ARHGAP30: variants seen among roughly 807,000 people sequenced by gnomAD.
The protein encoded by ARHGAP30 is Rho GTPase activating protein 30.
ARHGAP30 carries 23 observed loss-of-function variants against 72.0 expected under a neutral mutation model. The observed-to-expected ratio is 0.32, with a 90% CI of 0.23 to 0.45. ARHGAP30 has a LOEUF of 0.45. Ranked by LOEUF, ARHGAP30 falls within the 20% of genes least tolerant of loss-of-function variation. ARHGAP30 has a pLI of 1.00. For missense variants in ARHGAP30, 1,319 were observed against 1,383.4 expected (o/e 0.95, Z 0.74); for synonymous variants, 576 against 528.2 (o/e 1.09, Z -1.24).
chr1:161,060,358 G>A (rs1652226989), intron 1 of ARHGAP30: 2 of 304,816 alleles, frequency 6.6e-6, no homozygotes, highest in Admixed American at 7.5e-5. Context: ...CACTTTGGGA[G>A]GCTGAGGTGG....
chr1:161,056,636 G>T, intron 2 of ARHGAP30, 104 bp from the exon 3 acceptor site: 1 of 1,299,922 alleles, frequency 7.7e-7, no homozygotes, highest in South Asian at 1.5e-5. Context: ...GTCAACATGT[G>T]TTGGACTTGG....
chr1:161,068,727 T>C (rs1652941434), intron 1 of ARHGAP30, among the ~76,000 whole-genome samples: 1 of 152,128 alleles, frequency 6.6e-6, no homozygotes, highest in Admixed American at 6.5e-5. Flanking sequence ...GTTGTGAACC[T>C]GATATTGTCC....
At chr1:161,054,586 G>T (rs771812150) in intron 4 of ARHGAP30, 37 bp downstream of exon 4, 2 of 1,609,592 alleles carry the variant, frequency 1.2e-6, no homozygotes, top group South Asian at 2.2e-5. Context: ...TGAATGAGTT[G>T]TCTCAGGTTG....
intron 1 of ARHGAP30, among the ~76,000 whole-genome samples, chr1:161,063,166 G>T (rs925223877): frequency 1.3e-5 from 2 of 152,126 alleles, no homozygotes; most frequent in Admixed American, 6.5e-5. Context: ...AGTTTATTTT[G>T]TATTGATACC....
Position 161,053,389 on chromosome 1 carries a change from T to C in ARHGAP30, c.537-4A>G, listed in dbSNP as rs1161432661. ...TGAGGCCTCTATGTCCTTAGACCTG[T>C]GGAGATGTGGAATTATTCTCCCCCT... On this transcript the variant is annotated splice_polypyrimidine_tract_variant and splice_region_variant and intron_variant, in intron 5 of 11. Transcript: ENST00000368013. 6.2e-7 allele frequency: 1 copy of C among 1,613,402 alleles called. No individual in the cohort carries two copies. The highest frequency in any genetic ancestry group is 1.1e-5 in the South Asian group (1 of 91,040).
chr1:161,049,440 A>G lies in ARHGAP30; in HGVS notation c.1670T>C (p.Leu557Pro). Residue 557 changes from leucine (L) to proline (P), a missense_variant, in exon 11 of 12, where the codon CTG (leucine) becomes CCG (proline). Leu to Pro is a moderately conservative substitution (Grantham distance 98, BLOSUM62 -3). Transcript: ENST00000368013. ...DPGMGYLEEL[L>P]GVGPQVEEFS... Reference sequence around the variant, plus strand: ...TCTCCTTACCTGAGGCCCAACTCCCAGGAGCTCCTCCAGGTAGCCCATCCC... The same window carrying G: ...TCTCCTTACCTGAGGCCCAACTCCCGGGAGCTCCTCCAGGTAGCCCATCCC... The G allele has an allele frequency of 6.2e-7, 1 of 1,611,066 alleles. No individual in the cohort carries two copies. Among genetic ancestry groups the G allele is most frequent in the Non-Finnish European group, 8.5e-7 (1 of 1,178,172 alleles).
rs778267746 is a variant in ARHGAP30, at chr1:161,051,563, C to T, written c.1171G>A (p.Ala391Thr). 6 of 1,614,094 alleles carry T rather than the reference C, an allele frequency of 3.7e-6. No homozygotes were observed. In the Admixed American group the frequency reaches 8.3e-5, roughly 22 times the overall value. Residue 391 changes from alanine to threonine, a missense_variant, in exon 10 of 12, where the codon GCT (alanine) becomes ACT (threonine). By Grantham distance (58) the Ala-to-Thr change is moderately conservative. Around this residue, in one of 2 missense-constraint regions of ARHGAP30, gnomAD observed 1,097 missense variants for 1,045.2 expected, o/e 1.05. Coordinates refer to ENST00000368013, the MANE Select transcript of ARHGAP30 (RefSeq NM_001025598.2). ...CCAGCCCGGATGGCTGACCGCCCAG[C>T]TCGTGGTGTGCCTGGTTCAGAGTTT... Reference protein sequence around the residue: ...GTNSEPGTPRAGRSAIRAGGS... With the variant: ...GTNSEPGTPRTGRSAIRAGGS...
In ARHGAP30 at chr1:161,049,002, T is replaced by G. The variant is rs1651126420; in HGVS notation, c.2019A>C (p.Glu673Asp). 3 of 1,613,890 alleles carry G rather than the reference T, an allele frequency of 1.9e-6. No individual in the cohort carries two copies. The highest frequency in any genetic ancestry group is 1.3e-5 in the African/African-American group (1 of 75,008). ...AEPGGRLDIR[E>D]EAEGSPETKV... ...TGGTCTCTGGACTTCCCTCTGCCTC[T>G]TCCCTGATGTCTAGCCTGCCTCCAG... The change falls in exon 12 of 12, where the codon GAA becomes GAC. Residue 673 changes from glutamate (E) to aspartate (D), a missense_variant. Transcript: ENST00000368013.
At chr1:161,058,314 AAAATAAAT>A (rs566349493) in intron 2 of ARHGAP30, among the ~76,000 whole-genome samples, 1 of 150,266 alleles carries the variant, frequency 6.7e-6, no homozygotes, top group Non-Finnish European at 1.5e-5. Context: ...TCCATCCCAA[AAAATAAAT>A]AAATAAATAA....
chr1:161,050,630 CTG>C (rs779786477), intron 10 of ARHGAP30, among the ~76,000 whole-genome samples: 2 of 150,374 alleles, frequency 1.3e-5, no homozygotes, highest in Non-Finnish European at 3.0e-5. Context: ...ACTTAATAAA[CTG>C]TTTTTTGTTT....
chr1:161,069,230 A>G lies in ARHGAP30; in HGVS notation c.97+298T>C, dbSNP rs1652986969. On this transcript the variant is annotated intron_variant, in intron 1 of 11. Transcript: ENST00000368013. This position sits in a 1 kb window ranked among gnomAD's most constrained non-coding sequence, Gnocchi z 4.9. ...TTCCCAGTCACCTGCCCGCTGTTTC[A>G]TCCACTCCTCCTCGGTTTCCAGTCT... Among the ~76,000 whole-genome samples the G allele has an allele frequency of 6.6e-6, 1 of 151,620 alleles. No individual in the cohort carries two copies. The highest frequency in any genetic ancestry group is 6.6e-5 in the Admixed American group (1 of 15,238).
At position 161,048,056 on chromosome 1, in the gene ARHGAP30, A is replaced by C. The variant is rs776916205; in HGVS notation, c.2965T>G (p.Trp989Gly). ...AAGGAAAGACTACCCCCATTCCTCCAAGAGGATCGAGAAGCTCGGGACCCC... is the reference window on the plus strand; with the variant it reads ...AAGGAAAGACTACCCCCATTCCTCCCAGAGGATCGAGAAGCTCGGGACCCC... ...AWGSRASRSS[W>G]RNGGSLSFDA... The change falls in exon 12 of 12, where the codon TGG becomes GGG. Residue 989 changes from tryptophan to glycine, a missense_variant. Trp to Gly is a radical substitution (Grantham distance 184). Around this residue, in one of 2 missense-constraint regions of ARHGAP30, gnomAD observed 1,097 missense variants for 1,045.2 expected, o/e 1.05. Coordinates refer to ENST00000368013, the MANE Select transcript of ARHGAP30 (RefSeq NM_001025598.2). 3 of 1,614,016 alleles carry C rather than the reference A, an allele frequency of 1.9e-6. No individual in the cohort carries two copies. The highest frequency in any genetic ancestry group is 2.2e-5 in the South Asian group (2 of 91,088).
In ARHGAP30 at chr1:161,054,552, C is replaced by G; in HGVS notation, c.428+71G>C. ...GGCTGGGACCTGGGAGCAGTAGGACCCAGTTAAGGCTCCAGGCAGCGAGTG... is the reference window on the plus strand; with the variant it reads ...GGCTGGGACCTGGGAGCAGTAGGACGCAGTTAAGGCTCCAGGCAGCGAGTG... On this transcript the variant is annotated intron_variant, in intron 4 of 11. Coordinates refer to ENST00000368013, the MANE Select transcript of ARHGAP30 (RefSeq NM_001025598.2). The G allele has an allele frequency of 7.5e-6, 12 of 1,601,884 alleles. No individual in the cohort carries two copies. In the South Asian group the frequency reaches 1.2e-4, roughly 16 times the overall value.
intron 9 of ARHGAP30, 29 bp downstream of exon 9, chr1:161,052,257 T>C (rs745376659): frequency 6.2e-7 from 1 of 1,612,496 alleles, no homozygotes; most frequent in African/African-American, 1.3e-5. Context: ...CACACACACA[T>C]ACACACAGAA....
chr1:161,063,160 T>G (rs1652448064), intron 1 of ARHGAP30, among the ~76,000 whole-genome samples: 1 of 152,214 alleles, frequency 6.6e-6, no homozygotes, highest in African/African-American at 2.4e-5. Context: ...ATGATTAGTT[T>G]ATTTTGTATT....
chr1:161,067,917 C>T (rs1652884560), intron 1 of ARHGAP30, among the ~76,000 whole-genome samples: 1 of 152,144 alleles, frequency 6.6e-6, no homozygotes, highest in Non-Finnish European at 1.5e-5. Flanking sequence ...ACTCTGGTGC[C>T]CAAGATCAAC....
chr1:161,067,789 T>C (rs1652875610), intron 1 of ARHGAP30, among the ~76,000 whole-genome samples: 1 of 152,136 alleles, frequency 6.6e-6, no homozygotes, highest in Non-Finnish European at 1.5e-5. Flanking sequence ...GCTCTCATTT[T>C]TTTGTGGATG....
intron 9 of ARHGAP30, 119 bp from the exon 10 acceptor site, chr1:161,051,834 G>A (rs1379247153): frequency 7.0e-7 from 1 of 1,435,250 alleles, no homozygotes; most frequent in African/African-American, 1.4e-5. Context: ...ACGATAGCCT[G>A]GAAGGCACCA....
rs552705270 is a variant in ARHGAP30, at chr1:161,048,848, T to C, written c.2173A>G (p.Lys725Glu). The C allele has an allele frequency of 5.5e-5, 88 of 1,613,866 alleles. 1 individual carries two copies. In the East Asian group the frequency reaches 1.4e-3, roughly 27 times the overall value. ...CCTTTAGCCTCCATACTGTCAGCCTTCTTCTGACCTTTGGACTTCTCTTCC... is the reference window on the plus strand; with the variant it reads ...CCTTTAGCCTCCATACTGTCAGCCTCCTTCTGACCTTTGGACTTCTCTTCC... ...AKEEKSKGQKKADSMEAKGVE... is the reference protein window; with the variant it reads ...AKEEKSKGQKEADSMEAKGVE... Residue 725 changes from lysine to glutamate, a missense_variant, in exon 12 of 12, where the codon AAG becomes GAG. This residue lies in a region of ARHGAP30 where 1,097 missense variants were observed against 1,045.2 expected (regional missense o/e 1.05). Coordinates refer to ENST00000368013, the MANE Select transcript of ARHGAP30 (RefSeq NM_001025598.2).
Sources: allele counts gnomAD v4.1 joint callset (sites outside exome capture counted in the v4.1 genomes callset), GRCh38; gene constraint gnomAD v4.1.1; regional missense constraint gnomAD v4.1.1; non-coding constraint Gnocchi (gnomAD v3.1); transcripts MANE v1.5; gene names NCBI Gene and HGNC (gene_info 2026-07-23, HGNC 2026-07-21).